The following MTCL1 variants were observed in gnomAD, a reference collection of about 807,000 sequenced individuals.
MTCL1 encodes microtubule crosslinking factor 1.
A neutral mutation model predicts 141.4 loss-of-function variants in MTCL1; 79 were observed. The ratio of observed to expected loss-of-function variants is 0.56; its 90% CI spans 0.47 to 0.67. The LOEUF (loss-of-function observed/expected upper bound fraction) is 0.67, where lower values mean the gene tolerates loss of function less well. Among genes scored for constraint, MTCL1 ranks in the 30% least tolerant of loss-of-function variants. The pLI, the probability that MTCL1 is intolerant of heterozygous loss-of-function variation, is 0.00. For synonymous variants in MTCL1, 914 were observed against 875.8 expected, an observed-to-expected ratio of 1.04 and a Z score of -0.77; for missense variants, 2,177 against 2,113.9, an observed-to-expected ratio of 1.03 and a Z score of -0.59.
chr18:8,806,893 G>T, exon 11 of MTCL1: 2 of 1,612,818 alleles, frequency 1.2e-6, no homozygotes. Context: ...GTTCCCGCAG[G>T]TGGTGGAAAA....
chr18:8,732,841 T>C, intron 4 of MTCL1, among the ~76,000 whole-genome samples: 1 of 152,106 alleles, frequency 6.6e-6, no homozygotes, highest in Non-Finnish European at 1.5e-5. Flanking sequence ...CAGTTAGGTG[T>C]GTGTTTGTTC....
chr18:8,784,003 C>T (rs1479035893), exon 6 of MTCL1: 1 of 1,613,726 alleles, frequency 6.2e-7, no homozygotes, highest in Non-Finnish European at 8.5e-7. Flanking sequence ...AGATCGAAGA[C>T]CACAACCGGC....
chr18:8,815,167 G>C (rs2076610003), intron 12 of MTCL1, among the ~76,000 whole-genome samples: 1 of 152,138 alleles, frequency 6.6e-6, no homozygotes, highest in African/African-American at 2.4e-5. Flanking sequence ...AAAGACACAT[G>C]CACACGTATG....
chr18:8,795,043 G>A (rs1598702852), intron 8 of MTCL1, among the ~76,000 whole-genome samples: 1 of 152,208 alleles, frequency 6.6e-6, no homozygotes, highest in African/African-American at 2.4e-5. Flanking sequence ...GAGAATCGGT[G>A]GAATGCTGAG....
At chr18:8,718,351 G>T in intron 2 of MTCL1, 73 bp from the exon 2 acceptor site, 1 of 1,398,818 alleles carries the variant, frequency 7.1e-7, no homozygotes. Context: ...TTGAGGAGCG[G>T]GTATGAAGGA....
chr18:8,809,702 A>G lies in MTCL1; in HGVS notation c.2604+2642A>G, dbSNP rs867823227. The G allele has an allele frequency of 1.5e-5, 20 of 1,330,000 alleles. 1 individual carries two copies. The highest frequency in any genetic ancestry group is 2.7e-4 in the Middle Eastern group (1 of 3,734). The allele number at this position is 1,330,000 out of a possible 1,614,324, so 82.4% of individuals were successfully genotyped here. A position where few individuals can be genotyped will look rare whatever the true frequency, so the allele number is the denominator to read the frequency against. ...CGCCGTGGAGCAACAGGCACCTCGC[A>G]CGGCTGTCAGGTTTCTAGTACGGGT... On this transcript the variant is annotated intron_variant, in intron 11 of 16. Coordinates refer to ENST00000359865, the Ensembl canonical transcript of MTCL1.
chr18:8,829,677 G>C, intron 16 of MTCL1: 1 of 985,340 alleles, frequency 1.0e-6, no homozygotes, highest in South Asian at 4.7e-5. Flanking sequence ...CTCGAAGCCA[G>C]TAGTATCTGT....
chr18:8,731,456 C>G (rs2096250251), intron 4 of MTCL1, among the ~76,000 whole-genome samples: 1 of 151,848 alleles, frequency 6.6e-6, no homozygotes, highest in Non-Finnish European at 1.5e-5. Context: ...CGTCTGTAAT[C>G]CCAGCTACTC....
intron 4 of MTCL1, among the ~76,000 whole-genome samples, chr18:8,776,378 A>T (rs954878816): frequency 1.3e-5 from 2 of 152,130 alleles, no homozygotes; most frequent in Admixed American, 6.5e-5. Context: ...TTCTGCCTTC[A>T]CACTTTCCCT....
At chr18:8,827,314 G>T (rs1261527372) in intron 15 of MTCL1, among the ~76,000 whole-genome samples, 3 of 152,228 alleles carry the variant, frequency 2.0e-5, no homozygotes, top group African/African-American at 7.2e-5. Flanking sequence ...CCACAAGAGG[G>T]TAAATGATGG....
At chr18:8,831,553 CA>C (rs1336801468) in intron 16 of MTCL1, 53 bp from the exon 15 acceptor site, 2 of 1,535,764 alleles carry the variant, frequency 1.3e-6, no homozygotes, top group Non-Finnish European at 1.8e-6. Context: ...GGGAATCATC[CA>C]CTGGTGACAC....
At chr18:8,800,124 A>G (rs2076066643) in intron 10 of MTCL1, among the ~76,000 whole-genome samples, 1 of 152,188 alleles carries the variant, frequency 6.6e-6, no homozygotes, top group Non-Finnish European at 1.5e-5. Context: ...TACTGTAACG[A>G]CAGCTGGTTC....
At chr18:8,706,080 G>C in exon 1 of MTCL1, 1 of 1,201,118 alleles carries the variant, frequency 8.3e-7, no homozygotes, top group Non-Finnish European at 1.0e-6. Flanking sequence ...CCGCGGAGCC[G>C]CTGTCCCGGG....
At chr18:8,786,126 T>TCC in intron 7 of MTCL1, 35 bp downstream of exon 6, 1 of 511,088 alleles carries the variant, frequency 2.0e-6, no homozygotes, top group Admixed American at 4.9e-5. Flanking sequence ...CCCCCCGCCC[T>TCC]CCCCCTCCTT....
intron 4 of MTCL1, among the ~76,000 whole-genome samples, chr18:8,743,623 G>C (rs1272193289): frequency 6.6e-6 from 1 of 152,186 alleles, no homozygotes; most frequent in Non-Finnish European, 1.5e-5. Context: ...ACATTTCTTG[G>C]CTCATGCCCT....
intron 5 of MTCL1, among the ~76,000 whole-genome samples, chr18:8,780,586 C>G (rs2143411963): frequency 6.6e-6 from 1 of 152,362 alleles, no homozygotes; most frequent in South Asian, 2.1e-4. Context: ...CACTGGCTCT[C>G]AAGTTAACAA....
intron 4 of MTCL1, among the ~76,000 whole-genome samples, chr18:8,745,358 T>A (rs1046815592): frequency 3.9e-5 from 6 of 152,206 alleles, no homozygotes; most frequent in African/African-American, 1.4e-4. Flanking sequence ...TTAGTTTTCC[T>A]TATTTTTGAA....
chr18:8,756,929 A>G (rs1007941121), intron 4 of MTCL1, among the ~76,000 whole-genome samples: 8 of 152,190 alleles, frequency 5.3e-5, no homozygotes, highest in Admixed American at 3.3e-4. Flanking sequence ...TCCCTGGTGG[A>G]TGTGACACTT....
chr18:8,776,708 C>G lies in MTCL1; in HGVS notation c.358-1125C>G, dbSNP rs531292431. 2.0e-5 allele frequency among the ~76,000 whole-genome samples: 3 copies of G among 151,044 alleles called. No homozygotes were observed. The South Asian group carries it at 6.3e-4, about 32-fold the overall frequency. ...CTTCACACCACTTTTTATCTGGCCA[C>G]TCAGGAAACACTAGTTATTTATTTA... On this transcript the variant is annotated intron_variant, in intron 4 of 16. Transcript: ENST00000359865.
Sources: allele counts gnomAD v4.1 joint callset (sites outside exome capture counted in the v4.1 genomes callset), GRCh38; gene constraint gnomAD v4.1.1; transcripts MANE v1.5; gene names NCBI Gene and HGNC (gene_info 2026-07-23, HGNC 2026-07-21).